Variants in LSAMP observed in about 807,000 individuals in gnomAD.
LSAMP encodes the protein limbic system associated membrane protein.
LSAMP carries 7 observed loss-of-function variants against 38.6 expected under a neutral mutation model. The observed-to-expected ratio is 0.18, with a 90% CI of 0.10 to 0.34. LSAMP has a LOEUF of 0.34. Among genes scored for constraint, LSAMP ranks in the 10% least tolerant of loss-of-function variants. The probability of loss-of-function intolerance (pLI) is 1.00; values close to 1 mark genes in which losing one functional copy is unlikely to be tolerated. For missense variants in LSAMP, 313 were observed against 420.0 expected, an observed-to-expected ratio of 0.75 and a Z score of 2.23; for synonymous variants, 154 against 166.8, an observed-to-expected ratio of 0.92 and a Z score of 0.59.
intron 1 of LSAMP, among the ~76,000 whole-genome samples, chr3:116,443,595 T>A (rs1576229999): frequency 6.6e-6 from 1 of 152,298 alleles, no homozygotes; most frequent in East Asian, 1.9e-4. Flanking sequence ...AAAACTTTGC[T>A]GCTGTCGGCA....
At chr3:116,073,968 G>A (rs145010823) in intron 2 of LSAMP, among the ~76,000 whole-genome samples, 26 of 152,312 alleles carry the variant, frequency 1.7e-4, no homozygotes, top group Admixed American at 9.8e-4. Context: ...CATGACTGCT[G>A]TTGAATCTGA....
chr3:115,836,671 G>A (rs554315445), intron 6 of LSAMP, among the ~76,000 whole-genome samples: 4 of 145,278 alleles, frequency 2.8e-5, no homozygotes, highest in Admixed American at 6.7e-5. Context: ...GTGGGTGGGC[G>A]AGGGGAGGCG....
chr3:116,177,199 G>C (rs1430749022), intron 1 of LSAMP, among the ~76,000 whole-genome samples: 2 of 152,056 alleles, frequency 1.3e-5, no homozygotes, highest in African/African-American at 4.8e-5. Flanking sequence ...GTGTGCTTCT[G>C]TTAGGGCTTT....
rs1434016209 is a variant in LSAMP, at chr3:116,079,276, C to CA, written c.388+7047dup. ...GGCCCTTCGGAGATGCCTCCTCACT[C>CA]AGAATCCTTTCTTCTTCAGGCCTTG... On this transcript the variant is annotated intron_variant, in intron 2 of 6. Coordinates refer to ENST00000490035, the MANE Select transcript of LSAMP (RefSeq NM_002338.5). Among the ~76,000 whole-genome samples, 3 of 152,226 alleles carry CA rather than the reference C, an allele frequency of 2.0e-5. No individual in the cohort carries two copies. In the East Asian group the frequency reaches 5.8e-4, roughly 29 times the overall value.
intron 3 of LSAMP, among the ~76,000 whole-genome samples, chr3:116,003,956 C>A (rs369466758): frequency 6.6e-6 from 1 of 152,142 alleles, no homozygotes; most frequent in African/African-American, 2.4e-5. Flanking sequence ...TTTGTTGTGG[C>A]AGCCCTAGCA....
intron 1 of LSAMP, among the ~76,000 whole-genome samples, chr3:116,255,322 C>T (rs1302344035): frequency 6.6e-6 from 1 of 152,064 alleles, no homozygotes; most frequent in Non-Finnish European, 1.5e-5. Context: ...CAGAGAGCTG[C>T]AAAATCATAC....
At chr3:116,060,177 C>G (rs956189102) in intron 2 of LSAMP, among the ~76,000 whole-genome samples, 6 of 147,904 alleles carry the variant, frequency 4.1e-5, no homozygotes, top group Admixed American at 6.8e-5. Flanking sequence ...CCTCTCTTGC[C>G]TAAGTCTTTA....
chr3:116,298,522 T>A (rs2047366490), intron 1 of LSAMP, among the ~76,000 whole-genome samples: 1 of 152,054 alleles, frequency 6.6e-6, no homozygotes, highest in Non-Finnish European at 1.5e-5. Context: ...ATACCAAGGA[T>A]CTTGGACAAT....
At chr3:115,846,518 A>C (rs760817688) in intron 4 of LSAMP, among the ~76,000 whole-genome samples, 1 of 152,244 alleles carries the variant, frequency 6.6e-6, no homozygotes, top group African/African-American at 2.4e-5. Flanking sequence ...AATAGGTTTT[A>C]GATATCCTCT....
intron 3 of LSAMP, among the ~76,000 whole-genome samples, chr3:115,858,543 C>T (rs746997521): frequency 2.0e-5 from 3 of 152,006 alleles, no homozygotes; most frequent in Non-Finnish European, 2.9e-5. Flanking sequence ...TATAGCATCT[C>T]GGTAGATCAA....
chr3:115,951,853 T>C (rs963594598), intron 3 of LSAMP, among the ~76,000 whole-genome samples: 1 of 151,958 alleles, frequency 6.6e-6, no homozygotes, highest in Non-Finnish European at 1.5e-5. Context: ...GTCATATATA[T>C]ATATATATCC....
rs1350727655 is a variant in LSAMP at position 115,933,800 on chromosome 3, G to A, written c.515-81183C>T. Among the ~76,000 whole-genome samples the A allele has an allele frequency of 2.6e-5, 4 of 152,200 alleles. No homozygotes were observed. In the South Asian group the frequency reaches 8.3e-4, roughly 32 times the overall value. On this transcript the variant is annotated intron_variant, in intron 3 of 6. Coordinates refer to ENST00000490035, the MANE Select transcript of LSAMP (RefSeq NM_002338.5). ...AAACAAACAGAGGAGAGTCAGCAGA[G>A]TCAAAGCTGCAGTGCCCTCCGCGAG... is the stretch of plus-strand genomic sequence containing the variant.
intron 1 of LSAMP, among the ~76,000 whole-genome samples, chr3:116,135,741 C>T (rs76201869): frequency 0.012 from 1,878 of 152,228 alleles, 33 homozygotes; most frequent in African/African-American, 0.043. Flanking sequence ...GTGGTACCTC[C>T]TTCATTTATT....
At chr3:116,433,009 C>T (rs9857124) in intron 1 of LSAMP, among the ~76,000 whole-genome samples, 25,025 of 152,082 alleles carry the variant, frequency 0.16, 2,157 homozygotes, top group Middle Eastern at 0.28. Flanking sequence ...AAGGTGACAG[C>T]GATCTTTAGT....
At chr3:116,368,368 A>G (rs2048383825) in intron 1 of LSAMP, 1 of 152,212 alleles carries the variant, frequency 6.6e-6, no homozygotes, top group Admixed American at 6.5e-5. Context: ...ACTTTTGTTA[A>G]TATTTATGTA....
intron 1 of LSAMP, among the ~76,000 whole-genome samples, chr3:116,094,920 G>A (rs962336100): frequency 3.9e-5 from 6 of 152,088 alleles, no homozygotes; most frequent in East Asian, 3.8e-4. Context: ...ATGAGGTGAC[G>A]TACATAGAAA....
rs569093331 is a variant in LSAMP, at chr3:115,933,434, G to T, written c.515-80817C>A. On this transcript the variant is annotated intron_variant, in intron 3 of 6. Coordinates refer to ENST00000490035, the MANE Select transcript of LSAMP (RefSeq NM_002338.5). ...TGAATGACTAAATTTAGGGAATAAA[G>T]AAGAAAAAAATCAACTTAATGCTGG... is the stretch of plus-strand genomic sequence containing the variant. Among the ~76,000 whole-genome samples, 8 of 152,138 alleles carry T rather than the reference G, an allele frequency of 5.3e-5. No individual in the cohort carries two copies. In the South Asian group the frequency reaches 1.7e-3, roughly 32 times the overall value.
chr3:116,245,215 G>A (rs1333173518), intron 1 of LSAMP, among the ~76,000 whole-genome samples: 1 of 152,168 alleles, frequency 6.6e-6, no homozygotes. Flanking sequence ...ACAGGGAGAA[G>A]ATGACCACCT....
intron 1 of LSAMP, among the ~76,000 whole-genome samples, chr3:116,328,718 T>C (rs2107738235): frequency 6.6e-6 from 1 of 152,180 alleles, no homozygotes; most frequent in African/African-American, 2.4e-5. Flanking sequence ...CATACCAAAG[T>C]AAAATGAGAG....
Sources: gnomAD v4.1 joint callset for allele counts (sites outside exome capture counted in the v4.1 genomes callset) on GRCh38, gnomAD v4.1.1 for gene constraint, MANE v1.5 for transcripts, NCBI Gene and HGNC (gene_info 2026-07-23, HGNC 2026-07-21) for gene names.